The following HMGCLL1 variants were observed in gnomAD, a reference collection of about 807,000 sequenced individuals.
The protein encoded by HMGCLL1 is 3-hydroxymethyl-3-methylglutaryl-CoA lyase, cytoplasmic.
HMGCLL1 carries 36 observed loss-of-function variants against 39.1 expected under a neutral mutation model. The observed-to-expected ratio is 0.92, with a 90% CI of 0.71 to 1.22. The LOEUF is 1.22. Ranked by LOEUF, HMGCLL1 falls within the 50% of genes most tolerant of loss-of-function variation. The pLI is 0.00. For synonymous variants in HMGCLL1, 149 were observed against 144.0 expected (o/e 1.03, Z -0.25); for missense variants, 451 against 416.5 (o/e 1.08, Z -0.72).
intron 4 of HMGCLL1, among the ~76,000 whole-genome samples, chr6:55,515,888 C>A (rs1309922811): frequency 6.6e-6 from 1 of 151,794 alleles, no homozygotes; most frequent in Admixed American, 6.6e-5. Context: ...TCATTAATAC[C>A]AGAAATAGCT....
chr6:55,480,821 T>A (rs913931724), intron 7 of HMGCLL1, among the ~76,000 whole-genome samples: 2 of 152,044 alleles, frequency 1.3e-5, no homozygotes, highest in African/African-American at 4.8e-5. Context: ...TGAGATCCCG[T>A]TATTTGCAAC....
intron 7 of HMGCLL1, among the ~76,000 whole-genome samples, chr6:55,469,942 T>C (rs910765230): frequency 3.3e-5 from 5 of 151,878 alleles, no homozygotes; most frequent in Non-Finnish European, 5.9e-5. Flanking sequence ...TTTCCACATG[T>C]CCATTTTTAC....
chr6:55,625,280 T>C, the HMGCLL1 span, among the ~76,000 whole-genome samples: 3 of 152,034 alleles, frequency 2.0e-5, no homozygotes, highest in Non-Finnish European at 1.5e-5. Context: ...CATCTAGCCA[T>C]GAAGTGGGTT....
chr6:55,541,154 G>A (rs1303854206), intron 3 of HMGCLL1, among the ~76,000 whole-genome samples: 2 of 152,128 alleles, frequency 1.3e-5, no homozygotes, highest in South Asian at 2.1e-4. Context: ...AGTTTCAGAA[G>A]TAATGACTGC....
Position 55,579,084 on chromosome 6 carries a change from G to T in HMGCLL1, c.-29C>A. On this transcript the variant is annotated 5_prime_UTR_variant, in exon 1 of 9. Coordinates refer to ENST00000274901, the MANE Select transcript of HMGCLL1 (RefSeq NM_001042406.2). ...GGAGCCTGGGGCGGCAGTCGGCGAG[G>T]GGAGGGAGACTGGAGGAGGATGAGG... The T allele has an allele frequency of 3.9e-6, 6 of 1,542,780 alleles. No individual in the cohort carries two copies. The highest frequency in any genetic ancestry group is 5.3e-6 in the Non-Finnish European group (6 of 1,124,578).
At chr6:55,585,637 G>A in the HMGCLL1 span, among the ~76,000 whole-genome samples, 1 of 151,832 alleles carries the variant, frequency 6.6e-6, no homozygotes, top group Non-Finnish European at 1.5e-5. Context: ...ATTTTTCTTT[G>A]CACATAATAA....
chr6:55,506,133 T>C (rs530501321), intron 5 of HMGCLL1, among the ~76,000 whole-genome samples: 15 of 151,832 alleles, frequency 9.9e-5, no homozygotes, highest in African/African-American at 3.4e-4. Context: ...GAAAGCTTCC[T>C]GTGTCAAGCT....
At chr6:55,622,340 G>A in the HMGCLL1 span, among the ~76,000 whole-genome samples, 3 of 151,950 alleles carry the variant, frequency 2.0e-5, no homozygotes, top group Non-Finnish European at 4.4e-5. Context: ...CATCCTCGCT[G>A]TGTTCCAGAT....
the HMGCLL1 span, among the ~76,000 whole-genome samples, chr6:55,599,212 T>C: frequency 6.6e-6 from 1 of 151,932 alleles, no homozygotes; most frequent in East Asian, 1.9e-4. Flanking sequence ...TGTATACCTA[T>C]GTAACAAACC....
At chr6:55,643,944 T>G in the HMGCLL1 span, among the ~76,000 whole-genome samples, 1 of 152,074 alleles carries the variant, frequency 6.6e-6, no homozygotes, top group East Asian at 1.9e-4. Flanking sequence ...CTGGATCATA[T>G]GGTAGCTTTA....
intron 1 of HMGCLL1, among the ~76,000 whole-genome samples, chr6:55,559,846 A>G (rs918624755): frequency 6.6e-6 from 1 of 152,160 alleles, no homozygotes; most frequent in Non-Finnish European, 1.5e-5. Context: ...TTTCTCTGTA[A>G]TTTCTCACTT....
intron 1 of HMGCLL1, among the ~76,000 whole-genome samples, chr6:55,558,948 T>C (rs765610527): frequency 5.3e-5 from 8 of 152,200 alleles, no homozygotes; most frequent in Admixed American, 3.3e-4. Context: ...TATCTAAATC[T>C]GATTTCCACC....
chr6:55,473,249 G>A (rs987552394), intron 7 of HMGCLL1, among the ~76,000 whole-genome samples: 1 of 151,330 alleles, frequency 6.6e-6, no homozygotes, highest in African/African-American at 2.4e-5. Context: ...AATGATTGTA[G>A]TTGGATTATA....
intron 1 of HMGCLL1, among the ~76,000 whole-genome samples, chr6:55,548,228 T>G (rs959653957): frequency 6.6e-6 from 1 of 152,046 alleles, no homozygotes; most frequent in African/African-American, 2.4e-5. Flanking sequence ...GTGCTACACT[T>G]TGTTTTCAAC....
chr6:55,600,891 A>G, the HMGCLL1 span, among the ~76,000 whole-genome samples: 2 of 152,182 alleles, frequency 1.3e-5, no homozygotes, highest in South Asian at 4.1e-4. Flanking sequence ...GACTGCAACT[A>G]CAAAAAATCT....
chr6:55,677,293 G>T, the HMGCLL1 span, among the ~76,000 whole-genome samples: 1 of 152,098 alleles, frequency 6.6e-6, no homozygotes, highest in Non-Finnish European at 1.5e-5. Context: ...GGAAGCTGAG[G>T]TGGGAAGACT....
chr6:55,479,780 T>C (rs1332810158), intron 7 of HMGCLL1, among the ~76,000 whole-genome samples: 1 of 151,670 alleles, frequency 6.6e-6, no homozygotes, highest in Non-Finnish European at 1.5e-5. Flanking sequence ...CGATTGCTTT[T>C]AATCACTTTA....
At chr6:55,646,582 C>A in the HMGCLL1 span, among the ~76,000 whole-genome samples, 19 of 151,854 alleles carry the variant, frequency 1.3e-4, no homozygotes, top group African/African-American at 4.6e-4. Context: ...TAGGTTTAGG[C>A]ATTTTGTGTT....
rs576361625 is a variant in HMGCLL1, at chr6:55,543,436, C to T, written c.109-1296G>A. Among the ~76,000 whole-genome samples the T allele has an allele frequency of 8.6e-3, 340 of 39,612 alleles. 16 individuals are homozygous for T. The highest frequency in any genetic ancestry group is 0.033 in the African/African-American group (292 of 8,902). The allele number at this position is 39,612 out of a possible 152,430, so 26.0% of individuals were successfully genotyped here. A position where few individuals can be genotyped will look rare whatever the true frequency, so the allele number is the denominator to read the frequency against. On this transcript the variant is annotated intron_variant, in intron 1 of 8. Transcript: ENST00000274901. ...ATCATATATGATATATATCATATAT[C>T]ATATATGATATATATGATATATATC...
Sources: gnomAD v4.1 joint callset for allele counts (sites outside exome capture counted in the v4.1 genomes callset) on GRCh38, gnomAD v4.1.1 for gene constraint, MANE v1.5 for transcripts, NCBI Gene and HGNC (gene_info 2026-07-23, HGNC 2026-07-21) for gene names.